Variants in TMEM51 observed in about 807,000 individuals in gnomAD.
TMEM51 encodes the protein transmembrane protein 51, also known as chromosome 1 open reading frame 72.
TMEM51 carries 8 observed loss-of-function variants against 13.6 expected under a neutral mutation model. The observed-to-expected ratio is 0.59, with a 90% CI of 0.35 to 1.07. The LOEUF is 1.07. Ranked by LOEUF, TMEM51 falls within the 50% of genes least tolerant of loss-of-function variation. The probability of loss-of-function intolerance (pLI) is 0.02; values close to 1 mark genes in which losing one functional copy is unlikely to be tolerated. For missense variants in TMEM51, 279 were observed against 330.7 expected, an observed-to-expected ratio of 0.84 and a Z score of 1.21; for synonymous variants, 147 against 144.4, an observed-to-expected ratio of 1.02 and a Z score of -0.13.
At chr1:15,210,710 A>C (rs939057154) in intron 2 of TMEM51, 148 bp downstream of exon 2, 3 of 152,290 alleles carry the variant, frequency 2.0e-5, no homozygotes, top group Non-Finnish European at 4.4e-5. Context: ...CCAGGACCCC[A>C]GACTGCCCAC....
At chr1:15,178,961 C>G (rs941374652) in intron 1 of TMEM51, among the ~76,000 whole-genome samples, 2 of 152,178 alleles carry the variant, frequency 1.3e-5, no homozygotes, top group Non-Finnish European at 2.9e-5. Context: ...TTAGTCAGAA[C>G]AAACCACCCA....
At chr1:15,199,077 C>T (rs965973427) in intron 1 of TMEM51, among the ~76,000 whole-genome samples, 2 of 151,926 alleles carry the variant, frequency 1.3e-5, no homozygotes, top group Admixed American at 6.6e-5. Context: ...TTCTGAATGC[C>T]ATAATGCCAT....
In TMEM51 at chr1:15,161,363, C is replaced by T. The variant is rs531980932; in HGVS notation, c.-267+7409C>T. ...CTCTACTAAAAATAGAAAAATTACC[C>T]GGTATGGTGGCAGGTGCCTGTAATC... On this transcript the variant is annotated intron_variant, in intron 1 of 3. Transcript: ENST00000376008. This position sits in a 1 kb window ranked among gnomAD's most constrained non-coding sequence, Gnocchi z 4.0. Among the ~76,000 whole-genome samples the T allele has an allele frequency of 2.0e-5, 3 of 151,562 alleles. No individual in the cohort carries two copies. Among genetic ancestry groups the T allele is most frequent in the Non-Finnish European group, 2.9e-5 (2 of 67,968 alleles).
At chr1:15,195,117 G>A (rs1246507317) in intron 1 of TMEM51, among the ~76,000 whole-genome samples, 4 of 151,674 alleles carry the variant, frequency 2.6e-5, no homozygotes, top group South Asian at 4.2e-4. Context: ...ATTTTTTGTA[G>A]AGATGGGGTT....
intron 1 of TMEM51, among the ~76,000 whole-genome samples, chr1:15,155,037 C>T (rs997529511): frequency 1.3e-5 from 2 of 152,178 alleles, no homozygotes; most frequent in African/African-American, 4.8e-5. Context: ...AACTGTTGGC[C>T]CTGGGACCGT....
intron 1 of TMEM51, among the ~76,000 whole-genome samples, chr1:15,191,030 G>T (rs932761164): frequency 1.3e-5 from 2 of 152,180 alleles, no homozygotes; most frequent in Non-Finnish European, 2.9e-5. Context: ...CTGGTGATCT[G>T]CCAGCCTTGG....
chr1:15,175,138 A>G (rs1420961554), intron 1 of TMEM51, among the ~76,000 whole-genome samples: 1 of 152,122 alleles, frequency 6.6e-6, no homozygotes, highest in East Asian at 1.9e-4. Flanking sequence ...AGTGGCTCAC[A>G]CCTATAATCC....
chr1:15,172,189 C>T (rs979634196), intron 1 of TMEM51, among the ~76,000 whole-genome samples: 1 of 151,928 alleles, frequency 6.6e-6, no homozygotes, highest in Non-Finnish European at 1.5e-5. Context: ...CCAGCCTGGG[C>T]AACATGGCAA....
At chr1:15,165,432 A>G (rs1642961708) in intron 1 of TMEM51, among the ~76,000 whole-genome samples, 1 of 152,228 alleles carries the variant, frequency 6.6e-6, no homozygotes, top group Non-Finnish European at 1.5e-5. Flanking sequence ...GGAAATCTAA[A>G]ATGTTTTAAA....
At chr1:15,199,633 TGC>T (rs1485552001) in intron 1 of TMEM51, among the ~76,000 whole-genome samples, 4 of 152,160 alleles carry the variant, frequency 2.6e-5, no homozygotes, top group Admixed American at 2.6e-4. Flanking sequence ...TGCCTTCAGC[TGC>T]CATAGTCTCC....
At chr1:15,206,717 G>A (rs577675066) in intron 1 of TMEM51, among the ~76,000 whole-genome samples, 1 of 152,166 alleles carries the variant, frequency 6.6e-6, no homozygotes, top group Non-Finnish European at 1.5e-5. Context: ...TGCGGAGACT[G>A]CTATTCTTGT....
intron 1 of TMEM51, among the ~76,000 whole-genome samples, chr1:15,204,489 A>C (rs58172628): frequency 0.012 from 1,754 of 152,326 alleles, 30 homozygotes; most frequent in African/African-American, 0.038. Flanking sequence ...TGGAAGGCAG[A>C]GGTTGCAGTG....
At chr1:15,164,408 T>G (rs1310241319) in intron 1 of TMEM51, 2 of 456,046 alleles carry the variant, frequency 4.4e-6, no homozygotes, top group African/African-American at 4.0e-5. Flanking sequence ...GAATTTCGGT[T>G]TGCCTGATGT....
At chr1:15,212,050 A>ATGT (rs1644349420) in intron 2 of TMEM51, among the ~76,000 whole-genome samples, 1 of 152,204 alleles carries the variant, frequency 6.6e-6, no homozygotes, top group African/African-American at 2.4e-5. Flanking sequence ...TAAGTGCGTG[A>ATGT]ACCATAATTT....
At chr1:15,170,922 G>A (rs557432200) in intron 1 of TMEM51, among the ~76,000 whole-genome samples, 2 of 152,010 alleles carry the variant, frequency 1.3e-5, no homozygotes, top group Non-Finnish European at 2.9e-5. Flanking sequence ...TAGAGACGGG[G>A]TTTAACCGTG....
At chr1:15,163,493 G>A (rs1642865779) in intron 1 of TMEM51, among the ~76,000 whole-genome samples, 1 of 151,880 alleles carries the variant, frequency 6.6e-6, no homozygotes, top group African/African-American at 2.4e-5. Context: ...CAGGAACTTT[G>A]GCGGCTTTTT....
At chr1:15,215,453 C>T (rs1644416181) in intron 3 of TMEM51, 22 bp downstream of exon 3, 1 of 1,568,232 alleles carries the variant, frequency 6.4e-7, no homozygotes, top group African/African-American at 1.3e-5. Context: ...CTGTCCCCTT[C>T]CCTCCCCGGA....
At chr1:15,155,843 A>G (rs553638497) in intron 1 of TMEM51, among the ~76,000 whole-genome samples, 1 of 152,316 alleles carries the variant, frequency 6.6e-6, no homozygotes, top group South Asian at 2.1e-4. Context: ...AAGATGAACA[A>G]CATGGAGAAA....
chr1:15,218,814 G>A (rs568550651), intron 3 of TMEM51, among the ~76,000 whole-genome samples: 69 of 152,218 alleles, frequency 4.5e-4, no homozygotes, highest in African/African-American at 1.6e-3. Context: ...CCTTTCCTAG[G>A]AAGTCTTAAA....
Sources: allele counts gnomAD v4.1 joint callset (sites outside exome capture counted in the v4.1 genomes callset), GRCh38; gene constraint gnomAD v4.1.1; non-coding constraint Gnocchi (gnomAD v3.1); transcripts MANE v1.5; gene names NCBI Gene and HGNC (gene_info 2026-07-23, HGNC 2026-07-21).